LAP3: variants seen among roughly 807,000 people sequenced by gnomAD.
LAP3 encodes leucine aminopeptidase 3.
LAP3 carries 46 observed loss-of-function variants against 58.8 expected under a neutral mutation model. The observed-to-expected ratio is 0.78, with a 90% CI of 0.62 to 1.00. The LOEUF (loss-of-function observed/expected upper bound fraction) is 1.00. Among genes scored for constraint, LAP3 ranks in the 50% least tolerant of loss-of-function variants. LAP3 has a pLI of 0.00. For synonymous variants in LAP3, 257 were observed against 237.7 expected, an observed-to-expected ratio of 1.08 and a Z score of -0.75; for missense variants, 615 against 659.1, an observed-to-expected ratio of 0.93 and a Z score of 0.73.
chr4:17,599,534 T>TAAAAA (rs1350964763), intron 10 of LAP3, among the ~76,000 whole-genome samples: 58 of 149,986 alleles, frequency 3.9e-4, no homozygotes, highest in African/African-American at 1.4e-3. Context: ...GACTCCCTCT[T>TAAAAA]AAAAAATAAA....
intron 3 of LAP3, 132 bp downstream of exon 3, chr4:17,581,946 T>A (rs140279554): frequency 1.2e-6 from 1 of 800,350 alleles, no homozygotes; most frequent in Non-Finnish European, 2.0e-6. Flanking sequence ...AAGCAGAACA[T>A]TTAAGATTAA....
Position 17,581,738 on chromosome 4 carries a change from C to T in LAP3, c.219-22C>T, listed in dbSNP as rs2079891. ...ACCGAGCAAAATACTTGTTTTAAAACGACTATTTCCTCTTGTTTTAGATCT... is the reference window on the plus strand; with the variant it reads ...ACCGAGCAAAATACTTGTTTTAAAATGACTATTTCCTCTTGTTTTAGATCT... On this transcript the variant is annotated intron_variant, in intron 2 of 12. Transcript: ENST00000226299. 1,387 of 1,607,314 alleles carry T rather than the reference C, an allele frequency of 8.6e-4. 6 individuals carry two copies. The African/African-American group carries it at 0.014, about 16-fold the overall frequency.
At position 17,598,588 on chromosome 4, in the gene LAP3, T is replaced by G. The variant is rs558309611; in HGVS notation, c.1180+30T>G. 9 of 1,482,436 alleles carry G rather than the reference T, an allele frequency of 6.1e-6. No homozygotes were observed. In the South Asian group the frequency reaches 1.0e-4, roughly 17 times the overall value. The allele number at this position is 1,482,436 out of a possible 1,614,324, so 91.8% of individuals were successfully genotyped here. ...GACCGCGCACTTGCCTTGATTTTGTTTGAAGGAAGTCTTGTTCGTTGCATG... is the reference window on the plus strand; with the variant it reads ...GACCGCGCACTTGCCTTGATTTTGTGTGAAGGAAGTCTTGTTCGTTGCATG... On this transcript the variant is annotated intron_variant, in intron 10 of 12. Transcript: ENST00000226299.
Position 17,595,391 on chromosome 4 carries a change from G to C in LAP3, c.864-19G>C. On this transcript the variant is annotated intron_variant, in intron 7 of 12. Transcript: ENST00000226299. Reference sequence around the variant, plus strand: ...ATCTTCTTTGCTCTTAATATTGCACGTTGTCCATTTCCCCATAGTGGTGGT... The same window carrying C: ...ATCTTCTTTGCTCTTAATATTGCACCTTGTCCATTTCCCCATAGTGGTGGT... 6.2e-7 allele frequency: 1 copy of C among 1,611,708 alleles called. No individual in the cohort carries two copies. The highest frequency in any genetic ancestry group is 2.2e-5 in the East Asian group (1 of 44,700).
rs1338656183 is a variant in LAP3, at chr4:17,583,441, C to T, written c.380-42C>T. 2.5e-6 allele frequency: 4 copies of T among 1,610,774 alleles called. No individual in the cohort carries two copies. The South Asian group carries it at 3.3e-5, about 13-fold the overall frequency. On this transcript the variant is annotated intron_variant, in intron 4 of 12. Coordinates refer to ENST00000226299, the MANE Select transcript of LAP3 (RefSeq NM_015907.3). ...CTCTGCTGTCTGCTCTTTGAGTTGT[C>T]TTGGACTGACTCCAGTTTTCTGATT...
chr4:17,604,178 G>A lies in LAP3; in HGVS notation c.1181-410G>A, dbSNP rs1001381503. On this transcript the variant is annotated intron_variant, in intron 10 of 12. Coordinates refer to ENST00000226299, the MANE Select transcript of LAP3 (RefSeq NM_015907.3). ...TTCCAGCTACTCAGGAGGCTGAGGC[G>A]GAAGGATCACTTGAGCCCAGGAGTT... Among the ~76,000 whole-genome samples the A allele has an allele frequency of 3.3e-5, 5 of 151,264 alleles. No homozygotes were observed. In the South Asian group the frequency reaches 6.3e-4, roughly 19 times the overall value.
At chr4:17,595,825 C>T (rs929410110) in intron 8 of LAP3, among the ~76,000 whole-genome samples, 1 of 152,074 alleles carries the variant, frequency 6.6e-6, no homozygotes, top group Non-Finnish European at 1.5e-5. Flanking sequence ...CATTATGAAA[C>T]TTGCTGGGTA....
rs1049094981 is a variant in LAP3, at chr4:17,577,258, C to T, written c.-208C>T. The stretch of plus-strand genomic sequence containing the variant: ...CACGAATGCGGGCGCACCCTTGAGT[C>T]CCCTCCACAACCGCGGTTTGATCCC... On this transcript the variant is annotated 5_prime_UTR_variant, in exon 1 of 13. Coordinates refer to ENST00000226299, the MANE Select transcript of LAP3 (RefSeq NM_015907.3). 3 of 158,552 alleles carry T rather than the reference C, an allele frequency of 1.9e-5. No homozygotes were observed. Among genetic ancestry groups the T allele is most frequent in the Admixed American group, 2.4e-4 (1 of 4,106 alleles). 9.8% of individuals were successfully genotyped at this position (158,552 alleles called of 1,614,324 possible). A position where few individuals can be genotyped will look rare whatever the true frequency, so the allele number is the denominator to read the frequency against.
intron 2 of LAP3, among the ~76,000 whole-genome samples, chr4:17,580,185 T>TATATATATATATATATA: frequency 2.5e-4 from 8 of 32,010 alleles, no homozygotes; most frequent in Non-Finnish European, 3.7e-4. Flanking sequence ...TATATATGTA[T>TATATATATATATATATA]TTTTTTTTTT....
chr4:17,592,516 T>G (rs1284849361), intron 7 of LAP3, among the ~76,000 whole-genome samples: 1 of 152,216 alleles, frequency 6.6e-6, no homozygotes, highest in African/African-American at 2.4e-5. Context: ...GGAATAAAGT[T>G]AAGAGCATCT....
chr4:17,580,129 C>G (rs190413793), intron 2 of LAP3, among the ~76,000 whole-genome samples, 190 bp downstream of exon 2: 9 of 117,252 alleles, frequency 7.7e-5, no homozygotes, highest in African/African-American at 2.7e-4. Flanking sequence ...ACCCAAGTAT[C>G]TGGGATCACA....
chr4:17,597,099 G>A lies in LAP3; in HGVS notation c.1042G>A (p.Asp348Asn), dbSNP rs200495921. ...MPSGKANKPG[D>N]VVRAKNGKTI... ...CAGCGGCAAGGCCAACAAGCCGGGGGATGTTGTTAGAGCCAAAAACGGGAA... is the reference window on the plus strand; with the variant it reads ...CAGCGGCAAGGCCAACAAGCCGGGGAATGTTGTTAGAGCCAAAAACGGGAA... The change falls in exon 9 of 13, where the codon GAT becomes AAT. Residue 348 changes from aspartate (D) to asparagine (N), a missense_variant. Transcript: ENST00000226299. 6.2e-7 allele frequency: 1 copy of A among 1,614,240 alleles called. No individual in the cohort carries two copies. Among genetic ancestry groups the A allele is most frequent in the Non-Finnish European group, 8.5e-7 (1 of 1,180,042 alleles).
At position 17,595,492 on chromosome 4, in the gene LAP3, A is replaced by G. The variant is rs760903789; in HGVS notation, c.946A>G (p.Ile316Val). Residue 316 changes from isoleucine (I) to valine (V), a missense_variant, in exon 8 of 13, where the codon ATC becomes GTC. Coordinates refer to ENST00000226299, the MANE Select transcript of LAP3 (RefSeq NM_015907.3). ...AGGAGCTGCAACTATATGCTCAGCC[A>G]TCGTGTCTGCTGCAAAGCTTAATTT... ...MGGAATICSA[I>V]VSAAKLNLPI... 6.2e-7 allele frequency: 1 copy of G among 1,614,094 alleles called. No individual in the cohort carries two copies. The highest frequency in any genetic ancestry group is 1.7e-5 in the Admixed American group (1 of 60,018).
chr4:17,604,101 C>G (rs1056775629), intron 10 of LAP3, among the ~76,000 whole-genome samples: 1 of 151,828 alleles, frequency 6.6e-6, no homozygotes, highest in Non-Finnish European at 1.5e-5. Context: ...CCAGCATGCC[C>G]GGCCCAAAAA....
chr4:17,604,747 C>A, intron 11 of LAP3, 80 bp downstream of exon 11: 1 of 1,109,794 alleles, frequency 9.0e-7, no homozygotes, highest in Non-Finnish European at 1.4e-6. Flanking sequence ...ACTTCTTCAA[C>A]CCTGTGTTAA....
Position 17,598,493 on chromosome 4 carries a change from C to T in LAP3, c.1115C>T (p.Ala372Val). The T allele has an allele frequency of 6.2e-7, 1 of 1,614,150 alleles. No homozygotes were observed. The highest frequency in any genetic ancestry group is 1.7e-5 in the Admixed American group (1 of 60,014). The change falls in exon 10 of 13, where the codon GCT becomes GTT. Residue 372 changes from alanine to valine, a missense_variant. Coordinates refer to ENST00000226299, the MANE Select transcript of LAP3 (RefSeq NM_015907.3). The part of the protein sequence containing the change: ...NTDAEGRLIL[A>V]DALCYAHTFN... Reference sequence around the variant, plus strand: ...GATGCTGAGGGGAGGCTCATACTGGCTGATGCGCTCTGTTACGCACACACG... The same window carrying T: ...GATGCTGAGGGGAGGCTCATACTGGTTGATGCGCTCTGTTACGCACACACG...
At chr4:17,601,224 C>G (rs1335521937) in intron 10 of LAP3, among the ~76,000 whole-genome samples, 1 of 152,158 alleles carries the variant, frequency 6.6e-6, no homozygotes, top group African/African-American at 2.4e-5. Flanking sequence ...GGGCTCCAAA[C>G]GTGCCTTGTA....
At chr4:17,590,008 G>A (rs541917610) in intron 7 of LAP3, among the ~76,000 whole-genome samples, 5 of 152,258 alleles carry the variant, frequency 3.3e-5, no homozygotes, top group African/African-American at 1.2e-4. Flanking sequence ...GAAAGATAGT[G>A]GAGTTTGGTA....
intron 7 of LAP3, among the ~76,000 whole-genome samples, chr4:17,595,206 T>C (rs1019514849): frequency 2.0e-5 from 3 of 150,804 alleles, no homozygotes; most frequent in African/African-American, 7.3e-5. Context: ...ACCCGGCTAA[T>C]TTTTTTGTAT....
Sources: gnomAD v4.1 joint callset for allele counts (sites outside exome capture counted in the v4.1 genomes callset) on GRCh38, gnomAD v4.1.1 for gene constraint, MANE v1.5 for transcripts, NCBI Gene and HGNC (gene_info 2026-07-23, HGNC 2026-07-21) for gene names.